SERINC5: variants seen among roughly 807,000 people sequenced by gnomAD.
SERINC5 encodes serine incorporator 5.
Under a neutral mutation model 63.1 loss-of-function variants are expected in SERINC5, and 41 were observed. The observed-to-expected ratio is 0.65, with a 90% confidence interval of 0.51 to 0.84. The LOEUF is 0.84. Ranked by LOEUF, SERINC5 falls within the 40% of genes least tolerant of loss-of-function variation. The probability of loss-of-function intolerance (pLI) is 0.00; values close to 1 mark genes in which losing one functional copy is unlikely to be tolerated. For synonymous variants in SERINC5, 222 were observed against 215.2 expected (o/e 1.03, Z -0.28); for missense variants, 523 against 573.0 (o/e 0.91, Z 0.89).
rs1752649550 is a variant in SERINC5, at chr5:80,255,808, G to A, written c.27+88C>T. 5 of 1,396,966 alleles carry A rather than the reference G, an allele frequency of 3.6e-6. No individual in the cohort carries two copies. The African/African-American group carries it at 4.4e-5, about 12-fold the overall frequency. The allele number at this position is 1,396,966 out of a possible 1,614,324, so 86.5% of individuals were successfully genotyped here. A position where few individuals can be genotyped will look rare whatever the true frequency, so the allele number is the denominator to read the frequency against. ...GCCCTACGTTCGGCCGCGGAGCTGGGAGCGCACCCAGGCAGGTCCTCCACG... is the reference window on the plus strand; with the variant it reads ...GCCCTACGTTCGGCCGCGGAGCTGGAAGCGCACCCAGGCAGGTCCTCCACG... On this transcript the variant is annotated intron_variant, in intron 1 of 11. Transcript: ENST00000507668.
At position 80,145,446 on chromosome 5, in the gene SERINC5, C is replaced by T. The variant is rs533080957; in HGVS notation, c.1238+644G>A. On this transcript the variant is annotated intron_variant, in intron 11 of 11. Coordinates refer to ENST00000507668, the MANE Select transcript of SERINC5 (RefSeq NM_001174072.3). ...TGGGGGAAGTAGAGGCGGGGGGGTA[C>T]CACATTGTTACTTTTCATAATTCCA... is the stretch of plus-strand genomic sequence containing the variant. 4.0e-5 allele frequency among the ~76,000 whole-genome samples: 6 copies of T among 151,530 alleles called. No homozygotes were observed. In the South Asian group the frequency reaches 8.4e-4, roughly 21 times the overall value.
chr5:80,198,367 G>A (rs11949484), intron 2 of SERINC5, among the ~76,000 whole-genome samples: 166 of 152,202 alleles, frequency 1.1e-3, no homozygotes, highest in African/African-American at 3.8e-3. Flanking sequence ...AAAAGAAGCA[G>A]GACAAAGTCT....
intron 2 of SERINC5, among the ~76,000 whole-genome samples, chr5:80,182,907 C>T (rs1425173802): frequency 1.3e-5 from 2 of 152,122 alleles, no homozygotes; most frequent in Non-Finnish European, 2.9e-5. Context: ...ATTTAATTTG[C>T]TTCCAGAGAA....
At chr5:80,224,172 G>C (rs1219286951) in intron 1 of SERINC5, among the ~76,000 whole-genome samples, 1 of 147,568 alleles carries the variant, frequency 6.8e-6, no homozygotes, top group African/African-American at 2.5e-5. Context: ...AGAAAAGTCA[G>C]AAATGAATCT....
chr5:80,145,811 A>ACCAGCCTGG (rs1404905904), intron 11 of SERINC5, among the ~76,000 whole-genome samples: 3 of 152,194 alleles, frequency 2.0e-5, no homozygotes, highest in Non-Finnish European at 4.4e-5. Flanking sequence ...GGAGTTCAAG[A>ACCAGCCTGG]CCAGCCTGGC....
At position 80,175,025 on chromosome 5, in the gene SERINC5, G is replaced by A. The variant is rs371577336; in HGVS notation, c.480C>T (p.Val160=). 43 of 1,599,108 alleles carry A rather than the reference G, an allele frequency of 2.7e-5. No individual in the cohort carries two copies. Among genetic ancestry groups the A allele is most frequent in the African/African-American group, 1.6e-4 (12 of 74,744 alleles). The stretch of plus-strand genomic sequence containing the variant: ...GGATGCCAATGAAGAGGAAGCCTCC[G>A]ACGGCTCCCACATAGCGCCAGGCTG... The part of the protein sequence containing the change: ...FLNAWRYVGA[V]GGFLFIGIQL... Residue 160 remains valine, a synonymous_variant, in exon 5 of 12, where the codon GTC becomes GTT. Coordinates refer to ENST00000507668, the MANE Select transcript of SERINC5 (RefSeq NM_001174072.3).
downstream of SERINC5, among the ~76,000 whole-genome samples, chr5:80,134,467 T>TA (rs930756856): frequency 6.6e-6 from 1 of 152,108 alleles, no homozygotes; most frequent in Admixed American, 6.6e-5. Flanking sequence ...GCCTGGGTGA[T>TA]AGAGTGAGAC....
chr5:80,151,713 T>C (rs1286126024), intron 8 of SERINC5, among the ~76,000 whole-genome samples: 1 of 152,302 alleles, frequency 6.6e-6, no homozygotes, highest in African/African-American at 2.4e-5. Flanking sequence ...CAGCTAACTT[T>C]ACAGATTGAT....
chr5:80,182,488 C>T (rs1322307847), intron 2 of SERINC5, among the ~76,000 whole-genome samples: 1 of 151,416 alleles, frequency 6.6e-6, no homozygotes, highest in Non-Finnish European at 1.5e-5. Flanking sequence ...CCCAGAGGCC[C>T]CAAGCCCCTA....
chr5:80,176,404 C>T (rs976936785), intron 4 of SERINC5, among the ~76,000 whole-genome samples: 1 of 152,100 alleles, frequency 6.6e-6, no homozygotes, highest in Non-Finnish European at 1.5e-5. Flanking sequence ...TATGGCTGTT[C>T]CTTATAAACT....
In SERINC5 at chr5:80,143,837, G is replaced by A. The variant is rs943331438; in HGVS notation, c.1239-27C>T. On this transcript the variant is annotated intron_variant, in intron 11 of 11. Transcript: ENST00000507668. Reference sequence around the variant, plus strand: ...TGTGGAAACAAGACACCTAGCCGCGGTCAAAGCAGGAATATATTGAGATAC... The same window carrying A: ...TGTGGAAACAAGACACCTAGCCGCGATCAAAGCAGGAATATATTGAGATAC... 1.3e-5 allele frequency: 20 copies of A among 1,535,026 alleles called. No homozygotes were observed. In the African/African-American group the frequency reaches 2.7e-4, roughly 21 times the overall value.
At chr5:80,205,519 C>T (rs1024554378) in intron 1 of SERINC5, among the ~76,000 whole-genome samples, 1 of 152,202 alleles carries the variant, frequency 6.6e-6, no homozygotes, top group Non-Finnish European at 1.5e-5. Flanking sequence ...GTGCCTTTTA[C>T]ACTGCATTTC....
chr5:80,199,146 C>A (rs1410822322), intron 2 of SERINC5, among the ~76,000 whole-genome samples: 1 of 152,238 alleles, frequency 6.6e-6, no homozygotes, highest in Non-Finnish European at 1.5e-5. Flanking sequence ...GGTCATTTCA[C>A]CTCGCCTCAC....
intron 2 of SERINC5, among the ~76,000 whole-genome samples, chr5:80,179,212 C>G (rs1476251369): frequency 6.6e-6 from 1 of 151,994 alleles, no homozygotes; most frequent in Admixed American, 6.6e-5. Context: ...GGCAGGAGAA[C>G]TGCTTGAACC....
At chr5:80,143,903 G>A (rs1745663560) in intron 11 of SERINC5, 93 bp from the exon 12 acceptor site, 6 of 1,378,926 alleles carry the variant, frequency 4.4e-6, no homozygotes, top group Non-Finnish European at 5.9e-6. Context: ...ATAATTCAAC[G>A]GCTTTCAATG....
intron 1 of SERINC5, among the ~76,000 whole-genome samples, chr5:80,252,915 A>G (rs1752494665): frequency 6.6e-6 from 1 of 152,116 alleles, no homozygotes; most frequent in Admixed American, 6.6e-5. Flanking sequence ...AAGTCACCAA[A>G]ATGTCTCTCT....
intron 1 of SERINC5, among the ~76,000 whole-genome samples, chr5:80,255,548 C>T (rs1318549326): frequency 6.6e-6 from 1 of 152,194 alleles, no homozygotes; most frequent in Non-Finnish European, 1.5e-5. Context: ...GTGGAGAGGG[C>T]TACGGAGCTC....
At chr5:80,191,482 AAAAAAAAAAAAAAG>A (rs1183861673) in intron 2 of SERINC5, among the ~76,000 whole-genome samples, 1 of 115,262 alleles carries the variant, frequency 8.7e-6, no homozygotes, top group African/African-American at 3.1e-5. Flanking sequence ...ATCTCTACAA[AAAAAAAAAAAAAAG>A]AAAAAAAAAA....
chr5:80,249,239 T>C (rs940231345), intron 1 of SERINC5, among the ~76,000 whole-genome samples: 3 of 151,170 alleles, frequency 2.0e-5, no homozygotes, highest in Non-Finnish European at 2.9e-5. Flanking sequence ...GGTGTGAACC[T>C]GGGAGGCGGA....
Sources: allele counts gnomAD v4.1 joint callset (sites outside exome capture counted in the v4.1 genomes callset), GRCh38; gene constraint gnomAD v4.1.1; transcripts MANE v1.5; gene names NCBI Gene and HGNC (gene_info 2026-07-23, HGNC 2026-07-21).